Variants in NOSIP observed in about 807,000 individuals in gnomAD.
NOSIP encodes nitric oxide synthase interacting protein, also known as nitric oxide synthase-interacting protein.
Under a neutral mutation model 36.4 loss-of-function variants are expected in NOSIP, and 25 were observed. That is an observed-to-expected ratio of 0.69 (90% CI 0.50 to 0.96). The LOEUF is 0.96. NOSIP is among the 40% of genes least tolerant of loss of function. The probability of loss-of-function intolerance (pLI) is 0.00; values close to 1 mark genes in which losing one functional copy is unlikely to be tolerated. For missense variants in NOSIP, 370 were observed against 429.0 expected (o/e 0.86, Z 1.21); for synonymous variants, 187 against 179.2 (o/e 1.04, Z -0.35).
chr19:49,570,621 G>C (rs148134920), intron 1 of NOSIP, among the ~76,000 whole-genome samples: 1 of 151,922 alleles, frequency 6.6e-6, no homozygotes, highest in Non-Finnish European at 1.5e-5. Flanking sequence ...ACCCCAACTT[G>C]ACCCAGGGTC....
chr19:49,560,130 G>A lies in NOSIP; in HGVS notation c.71-91C>T, dbSNP rs538769686. 407 of 824,328 alleles carry A rather than the reference G, an allele frequency of 4.9e-4. No individual in the cohort carries two copies. The highest frequency in any genetic ancestry group is 7.0e-4 in the Non-Finnish European group (361 of 513,292). The allele number at this position is 824,328 out of a possible 1,614,324, so 51.1% of individuals were successfully genotyped here. ...CCCCAGAGAGAGGCACAGAGACAAC[G>A]CGGTGGTGGGGGTGGGGGACTCAGA... On this transcript the variant is annotated intron_variant, in intron 2 of 8. Transcript: ENST00000596358. This position sits in a 1 kb window ranked among gnomAD's most constrained non-coding sequence, Gnocchi z 4.6.
In NOSIP at chr19:49,574,839, G is replaced by A. The variant is rs112911651; in HGVS notation, c.-2+5676C>T. Among the ~76,000 whole-genome samples the A allele has an allele frequency of 2.9e-3, 438 of 151,984 alleles. 2 individuals carry two copies. Among genetic ancestry groups the A allele is most frequent in the African/African-American group, 0.01 (427 of 41,476 alleles). On this transcript the variant is annotated intron_variant, in intron 1 of 8. Transcript: ENST00000596358. ...GCCTCCTAAGTAGCTGGGATTACAG[G>A]CGTCCACCACCATGCCTGGCTAATT... is the stretch of plus-strand genomic sequence containing the variant.
rs2122772451 is a variant in NOSIP at position 49,556,568 on chromosome 19, AG to A, written c.705del (p.Cys236AlafsTer19). The A allele has an allele frequency of 1.2e-6, 2 of 1,605,868 alleles. No homozygotes were observed. ...ACTCACGAGGGCCGCAGCACAGCGC[AG>A]GGGGTGGCGTTGCTCAGGCTGTCGC... ...VTRDSLSNAT[P>X]CAVLRPSGAV... is the part of the protein sequence containing the mutation. On this transcript the variant is annotated frameshift_variant, in exon 7 of 9. Transcript: ENST00000596358. LOFTEE classifies it high-confidence loss of function.
chr19:49,557,397 G>C, intron 4 of NOSIP, 148 bp from the exon 5 acceptor site: 1 of 1,439,734 alleles, frequency 6.9e-7, no homozygotes, highest in Non-Finnish European at 9.1e-7. Flanking sequence ...ACCCTGGGTG[G>C]GTGTGAACCT....
chr19:49,564,453 CAA>C (rs1011453088), intron 1 of NOSIP, among the ~76,000 whole-genome samples: 508 of 42,576 alleles, frequency 0.012, 9 homozygotes, highest in African/African-American at 0.04. Context: ...GACTCCATCT[CAA>C]AAAAAAAAAA....
intron 1 of NOSIP, among the ~76,000 whole-genome samples, chr19:49,561,120 G>A (rs566440835): frequency 1.1e-4 from 16 of 152,296 alleles, no homozygotes; most frequent in African/African-American, 3.1e-4. Context: ...AGGCCAAGGC[G>A]TGGACCAGCC....
At chr19:49,576,008 G>A (rs1055294766) in intron 1 of NOSIP, among the ~76,000 whole-genome samples, 3 of 151,996 alleles carry the variant, frequency 2.0e-5, no homozygotes, top group Non-Finnish European at 2.9e-5. Flanking sequence ...GGTGGCGGGC[G>A]CCTGTAGTCC....
intron 1 of NOSIP, among the ~76,000 whole-genome samples, chr19:49,570,578 G>C (rs1278644724): frequency 6.6e-6 from 1 of 151,926 alleles, no homozygotes; most frequent in African/African-American, 2.4e-5. Flanking sequence ...GAGGCAGCCA[G>C]GGCTGCTTGC....
chr19:49,575,949 G>A (rs2080546892), intron 1 of NOSIP, among the ~76,000 whole-genome samples: 1 of 152,094 alleles, frequency 6.6e-6, no homozygotes, highest in Admixed American at 6.6e-5. Flanking sequence ...GACTAACACG[G>A]TGAAACCCCG....
At chr19:49,558,830 C>T (rs976126100) in intron 4 of NOSIP, 67 bp downstream of exon 4, 1 of 1,282,140 alleles carries the variant, frequency 7.8e-7, no homozygotes, top group African/African-American at 1.5e-5. Context: ...CTCTGAGTGG[C>T]TCTGCCTGTG....
chr19:49,557,634 G>A, intron 4 of NOSIP: 1 of 1,085,878 alleles, frequency 9.2e-7, no homozygotes. Context: ...GTCACCTGCT[G>A]GCCAATTAAG....
chr19:49,555,796 T>TCCGGAGCCC lies in NOSIP; in HGVS notation c.852_860dup (p.Gly285_Gly287dup). 1 of 1,613,212 alleles carries TCCGGAGCCC rather than the reference T, an allele frequency of 6.2e-7. No individual in the cohort carries two copies. The highest frequency in any genetic ancestry group is 2.2e-5 in the East Asian group (1 of 44,770). ...GTGATTTCTCCGCTTGCAGCTTCACTCCGGAGCCCGCGAAGCCGGTACCGC... is the reference window on the plus strand; with the variant it reads ...GTGATTTCTCCGCTTGCAGCTTCACTCCGGAGCCCCCGGAGCCCGCGAAGCCGGTACCGC... On this transcript the variant is annotated inframe_insertion, in exon 9 of 9. Coordinates refer to ENST00000596358, the MANE Select transcript of NOSIP (RefSeq NM_001270960.2).
At chr19:49,579,219 G>A (rs1349324645) in intron 1 of NOSIP, 1 of 152,104 alleles carries the variant, frequency 6.6e-6, no homozygotes, top group South Asian at 2.1e-4. Flanking sequence ...CTAGAATTAC[G>A]GTTGTTCTTT....
Position 49,555,660 on chromosome 19 carries a change from C to T in NOSIP, c.*91G>A, listed in dbSNP as rs1252409598. 1.9e-6 allele frequency: 2 copies of T among 1,076,568 alleles called. No individual in the cohort carries two copies. Among genetic ancestry groups the T allele is most frequent in the African/African-American group, 1.5e-5 (1 of 64,914 alleles). The allele number at this position is 1,076,568 out of a possible 1,614,324, so 66.7% of individuals were successfully genotyped here. ...CACTGTTTGCACGGCCCTGCATCCT[C>T]GCCTGCCCTGTCCCCGGGGCGCCCA... On this transcript the variant is annotated 3_prime_UTR_variant, in exon 9 of 9. Transcript: ENST00000596358.
chr19:49,580,252 C>G (rs111544701), intron 1 of NOSIP, among the ~76,000 whole-genome samples: 29 of 151,858 alleles, frequency 1.9e-4, no homozygotes, highest in African/African-American at 6.8e-4. Flanking sequence ...CTCAGGAGAA[C>G]TGGCCGATGC....
At chr19:49,556,168 AGC>A in intron 8 of NOSIP, 147 bp downstream of exon 8, 1 of 253,564 alleles carries the variant, frequency 3.9e-6, no homozygotes, top group Non-Finnish European at 7.0e-6. Flanking sequence ...TGCAGGAGAA[AGC>A]GGGGGGGGGG....
chr19:49,578,960 G>A (rs2080589446), intron 1 of NOSIP, among the ~76,000 whole-genome samples: 2 of 151,888 alleles, frequency 1.3e-5, no homozygotes, highest in Non-Finnish European at 2.9e-5. Context: ...AAAGAAAACA[G>A]AAGCAGGTAA....
intron 1 of NOSIP, among the ~76,000 whole-genome samples, chr19:49,575,019 T>C (rs2379087): frequency 0.39 from 59,825 of 151,838 alleles, 15,359 homozygotes; most frequent in African/African-American, 0.74. Flanking sequence ...CCCGCCACCA[T>C]GCCCGGCTAA....
At chr19:49,559,608 C>T (rs776826256) in intron 3 of NOSIP, 78 of 340,872 alleles carry the variant, frequency 2.3e-4, no homozygotes, top group Non-Finnish European at 3.5e-4. Context: ...TATTTAGTGC[C>T]TGGACTCAGC....
Sources: allele counts gnomAD v4.1 joint callset (sites outside exome capture counted in the v4.1 genomes callset), GRCh38; gene constraint gnomAD v4.1.1; non-coding constraint Gnocchi (gnomAD v3.1); transcripts MANE v1.5; gene names NCBI Gene and HGNC (gene_info 2026-07-23, HGNC 2026-07-21).